FSTL5: variants seen among roughly 807,000 people sequenced by gnomAD.
The protein encoded by FSTL5 is follistatin like 5.
In FSTL5, 62 loss-of-function variants were observed where a neutral mutation model predicts 89.1. The ratio of observed to expected loss-of-function variants is 0.70; its 90% CI spans 0.57 to 0.86. FSTL5 has a LOEUF of 0.86. FSTL5 is among the 40% of genes least tolerant of loss of function. The probability of loss-of-function intolerance (pLI) is 0.00; values close to 1 mark genes in which losing one functional copy is unlikely to be tolerated. For synonymous variants in FSTL5, 383 were observed against 346.2 expected (o/e 1.11, Z -1.18); for missense variants, 1,057 against 1,001.6 (o/e 1.06, Z -0.75).
chr4:161,826,991 T>C (rs1400827024), intron 4 of FSTL5, among the ~76,000 whole-genome samples: 2 of 152,172 alleles, frequency 1.3e-5, no homozygotes, highest in South Asian at 4.1e-4. Context: ...CCTGTGAGAT[T>C]TATGCTTTAA....
At chr4:161,748,749 AT>A (rs1335416273) in intron 6 of FSTL5, among the ~76,000 whole-genome samples, 1 of 151,804 alleles carries the variant, frequency 6.6e-6, no homozygotes, top group Non-Finnish European at 1.5e-5. Flanking sequence ...TAGAAAAGCT[AT>A]TTTTAAGGTA....
intron 1 of FSTL5, among the ~76,000 whole-genome samples, chr4:162,129,596 A>C (rs1279681946): frequency 1.3e-5 from 2 of 152,216 alleles, no homozygotes; most frequent in African/African-American, 2.4e-5. Context: ...GTAATGGTGA[A>C]ACTTTCCAAA....
intron 8 of FSTL5, among the ~76,000 whole-genome samples, chr4:161,569,506 T>C (rs1342522196): frequency 6.6e-6 from 1 of 152,134 alleles, no homozygotes; most frequent in Non-Finnish European, 1.5e-5. Flanking sequence ...ACTTAAAGCC[T>C]AAGACAGCAA....
rs536533960 is a variant in FSTL5 at position 161,588,805 on chromosome 4, A to C, written c.895-1230T>G. Among the ~76,000 whole-genome samples, 5 of 152,264 alleles carry C rather than the reference A, an allele frequency of 3.3e-5. No homozygotes were observed. The South Asian group carries it at 1.0e-3, about 32-fold the overall frequency. Reference sequence around the variant, plus strand: ...CCTCCTTAAAACTATGCCAGCTATGAAAATCATCATTCTAGAAGACACTGG... The same window carrying C: ...CCTCCTTAAAACTATGCCAGCTATGCAAATCATCATTCTAGAAGACACTGG... On this transcript the variant is annotated intron_variant, in intron 7 of 15. Coordinates refer to ENST00000306100, the MANE Select transcript of FSTL5 (RefSeq NM_020116.5).
At chr4:161,971,604 G>A (rs1463172083) in intron 3 of FSTL5, among the ~76,000 whole-genome samples, 1 of 151,542 alleles carries the variant, frequency 6.6e-6, no homozygotes, top group East Asian at 1.9e-4. Flanking sequence ...AACATTCCTG[G>A]GTAAAATATT....
At chr4:162,114,070 C>A (rs573593345) in intron 1 of FSTL5, among the ~76,000 whole-genome samples, 9 of 152,234 alleles carry the variant, frequency 5.9e-5, no homozygotes, top group Non-Finnish European at 1.2e-4. Context: ...AAATAAAGAT[C>A]ATGTTTCCTT....
intron 4 of FSTL5, among the ~76,000 whole-genome samples, chr4:161,877,804 C>T (rs1325627736): frequency 2.0e-5 from 3 of 151,710 alleles, no homozygotes; most frequent in Admixed American, 6.6e-5. Flanking sequence ...CCAGCCTGGG[C>T]GACAGAGCGA....
chr4:161,931,933 C>G (rs113864966), intron 3 of FSTL5, among the ~76,000 whole-genome samples: 3 of 152,008 alleles, frequency 2.0e-5, no homozygotes, highest in African/African-American at 7.2e-5. Context: ...CAAACATCTT[C>G]AATTGTACCA....
At chr4:161,466,619 A>C (rs1023064927) in intron 13 of FSTL5, among the ~76,000 whole-genome samples, 2 of 152,220 alleles carry the variant, frequency 1.3e-5, no homozygotes, top group Admixed American at 6.5e-5. Context: ...ATCGTACTCC[A>C]TAGACCATAA....
At chr4:161,923,562 A>G (rs1204209643) in intron 3 of FSTL5, among the ~76,000 whole-genome samples, 1 of 151,832 alleles carries the variant, frequency 6.6e-6, no homozygotes, top group Non-Finnish European at 1.5e-5. Context: ...TTTTCCATCA[A>G]ATAATGAGTT....
At chr4:162,160,722 A>G (rs114170794) in intron 1 of FSTL5, among the ~76,000 whole-genome samples, 2,494 of 151,614 alleles carry the variant, frequency 0.016, 66 homozygotes, top group African/African-American at 0.056. Flanking sequence ...CTTCTTAAAT[A>G]TTATTTTAAA....
intron 10 of FSTL5, among the ~76,000 whole-genome samples, chr4:161,529,289 C>CAG (rs139026490): frequency 0.031 from 4,398 of 142,238 alleles, 586 homozygotes; most frequent in African/African-American, 0.1. Context: ...ATATAGTCTT[C>CAG]ATATAGAAGT....
chr4:162,039,623 T>C (rs1737871942), intron 2 of FSTL5, among the ~76,000 whole-genome samples: 1 of 152,026 alleles, frequency 6.6e-6, no homozygotes, highest in East Asian at 1.9e-4. Flanking sequence ...CTTTGACTAA[T>C]ATGTACAATA....
chr4:162,048,087 GA>G (rs1278479210), intron 2 of FSTL5, among the ~76,000 whole-genome samples: 2 of 152,102 alleles, frequency 1.3e-5, no homozygotes, highest in African/African-American at 2.4e-5. Flanking sequence ...AGCAGTTTAG[GA>G]GGCTGAAGCA....
At chr4:161,983,983 T>C (rs1445746315) in intron 3 of FSTL5, among the ~76,000 whole-genome samples, 2 of 152,064 alleles carry the variant, frequency 1.3e-5, no homozygotes, top group East Asian at 1.9e-4. Flanking sequence ...AAAAATTTTA[T>C]ACAAAATTTC....
intron 4 of FSTL5, among the ~76,000 whole-genome samples, chr4:161,837,296 A>G (rs1731077872): frequency 6.6e-6 from 1 of 152,172 alleles, no homozygotes; most frequent in African/African-American, 2.4e-5. Flanking sequence ...AACAAGAAAT[A>G]GGAGTCCATG....
At chr4:161,449,471 C>A (rs1733075239) in intron 15 of FSTL5, among the ~76,000 whole-genome samples, 1 of 152,094 alleles carries the variant, frequency 6.6e-6, no homozygotes, top group African/African-American at 2.4e-5. Context: ...AGTAGGTAAG[C>A]CTTTCAAGAC....
At chr4:161,610,168 A>G (rs1734586495) in intron 7 of FSTL5, among the ~76,000 whole-genome samples, 2 of 152,102 alleles carry the variant, frequency 1.3e-5, no homozygotes, top group Non-Finnish European at 2.9e-5. Context: ...GTAAAAAAAA[A>G]AGGATAACAA....
chr4:162,009,734 T>C (rs1736707616), intron 3 of FSTL5, among the ~76,000 whole-genome samples: 1 of 152,098 alleles, frequency 6.6e-6, no homozygotes, highest in Admixed American at 6.5e-5. Context: ...TATTTTTCAT[T>C]CCTACATTAT....
Sources: gnomAD v4.1 joint callset for allele counts (sites outside exome capture counted in the v4.1 genomes callset) on GRCh38, gnomAD v4.1.1 for gene constraint, MANE v1.5 for transcripts, NCBI Gene and HGNC (gene_info 2026-07-23, HGNC 2026-07-21) for gene names.